Variants in MACROD2 observed in about 807,000 individuals in gnomAD.
The protein encoded by MACROD2 is mono-ADP ribosylhydrolase 2.
MACROD2 carries 36 observed loss-of-function variants against 70.4 expected under a neutral mutation model. The ratio of observed to expected loss-of-function variants is 0.51; its 90% confidence interval spans 0.39 to 0.68. The LOEUF (loss-of-function observed/expected upper bound fraction) is 0.68. Among genes scored for constraint, MACROD2 ranks in the 30% least tolerant of loss-of-function variants. MACROD2 has a pLI of 0.00. For synonymous variants in MACROD2, 172 were observed against 178.8 expected (o/e 0.96, Z 0.30); for missense variants, 496 against 538.4 (o/e 0.92, Z 0.78).
intron 3 of MACROD2, among the ~76,000 whole-genome samples, chr20:14,310,886 A>T (rs906131044): frequency 6.6e-6 from 1 of 152,142 alleles, no homozygotes; most frequent in Non-Finnish European, 1.5e-5. Context: ...ATAGAAAAAA[A>T]CTTATAGACT....
intron 3 of MACROD2, among the ~76,000 whole-genome samples, chr20:14,230,258 A>G (rs2081789459): frequency 6.6e-6 from 1 of 152,156 alleles, no homozygotes; most frequent in Non-Finnish European, 1.5e-5. Context: ...GTTTGATAGC[A>G]TTGTACACAC....
At chr20:14,352,418 A>G (rs957092323) in intron 3 of MACROD2, 2 of 152,176 alleles carry the variant, frequency 1.3e-5, no homozygotes, top group African/African-American at 4.8e-5. Flanking sequence ...GAAGCATTCC[A>G]TATTTAAAAA....
chr20:15,355,724 A>G (rs1048972530), intron 6 of MACROD2, among the ~76,000 whole-genome samples: 1 of 152,194 alleles, frequency 6.6e-6, no homozygotes. Flanking sequence ...CATTAATAAT[A>G]ACAAAGACAA....
chr20:15,746,833 C>T (rs773045571), intron 8 of MACROD2, among the ~76,000 whole-genome samples: 22 of 151,902 alleles, frequency 1.4e-4, no homozygotes, highest in Non-Finnish European at 1.5e-4. Context: ...GCCAGGGGTT[C>T]GAGTGGCCAT....
intron 3 of MACROD2, among the ~76,000 whole-genome samples, chr20:14,178,234 T>C (rs2081278789): frequency 6.6e-6 from 1 of 152,102 alleles, no homozygotes; most frequent in South Asian, 2.1e-4. Flanking sequence ...GATAAATGCA[T>C]GAGGTGATGG....
chr20:15,571,477 G>A (rs776382176), intron 8 of MACROD2, among the ~76,000 whole-genome samples: 2 of 150,744 alleles, frequency 1.3e-5, no homozygotes, highest in African/African-American at 4.9e-5. Flanking sequence ...CCTACTAATT[G>A]CATTACAAAT....
At chr20:14,713,207 C>A (rs1318761630) in intron 5 of MACROD2, among the ~76,000 whole-genome samples, 1 of 152,058 alleles carries the variant, frequency 6.6e-6, no homozygotes, top group Non-Finnish European at 1.5e-5. Context: ...ACTCACTTTT[C>A]TTTTAATACC....
chr20:15,772,096 AAAAAAATATATATATATAT>A (rs2051640961), intron 8 of MACROD2, among the ~76,000 whole-genome samples: 1 of 101,434 alleles, frequency 9.9e-6, no homozygotes, highest in African/African-American at 4.9e-5. Flanking sequence ...AAAAAAAAAA[AAAAAAATATATATATATAT>A]ATATATATAT....
At chr20:14,696,631 C>CCTTGTAT (rs1226856295) in intron 5 of MACROD2, among the ~76,000 whole-genome samples, 1 of 152,118 alleles carries the variant, frequency 6.6e-6, no homozygotes, top group Non-Finnish European at 1.5e-5. Context: ...CTACCTGTGA[C>CCTTGTAT]ATTTTCAGGA....
intron 5 of MACROD2, among the ~76,000 whole-genome samples, chr20:15,051,934 G>A (rs371389601): frequency 2.0e-5 from 3 of 151,988 alleles, no homozygotes; most frequent in South Asian, 4.1e-4. Flanking sequence ...TGTGTTTTTA[G>A]TAGAGACAGG....
chr20:14,596,045 G>A (rs531659923), intron 4 of MACROD2, among the ~76,000 whole-genome samples: 1 of 151,980 alleles, frequency 6.6e-6, no homozygotes, highest in African/African-American at 2.4e-5. Context: ...TCCTATTTAT[G>A]TGTTTCCACA....
At chr20:14,269,576 A>T (rs919294984) in intron 3 of MACROD2, among the ~76,000 whole-genome samples, 1 of 152,160 alleles carries the variant, frequency 6.6e-6, no homozygotes, top group African/African-American at 2.4e-5. Context: ...AAGTTTAAAA[A>T]TTTTCTGTCT....
rs2075178189 is a variant in MACROD2 at position 15,021,256 on chromosome 20, A to ACACAGGTGTGTGTATACG, written c.419-208680_419-208679insGGTGTGTGTATACGCACA. On this transcript the variant is annotated intron_variant, in intron 5 of 17. Transcript: ENST00000684519. ...TACACACACCTGTGTGTATGTATAC[A>ACACAGGTGTGTGTATACG]CACACCTGTGTGTGTGTATACGCAC... is the stretch of plus-strand genomic sequence containing the variant. Among the ~76,000 whole-genome samples the ACACAGGTGTGTGTATACG allele has an allele frequency of 2.4e-5, 2 of 83,790 alleles. 1 individual carries two copies. The highest frequency in any genetic ancestry group is 8.6e-5 in the African/African-American group (2 of 23,310). 55.0% of individuals were successfully genotyped at this position (83,790 alleles called of 152,430 possible).
At chr20:14,131,426 A>G (rs548292108) in intron 3 of MACROD2, among the ~76,000 whole-genome samples, 12 of 152,338 alleles carry the variant, frequency 7.9e-5, no homozygotes, top group African/African-American at 2.9e-4. Context: ...GTGTATTTTC[A>G]TGTAAGTCAA....
chr20:15,768,024 A>G (rs890779266), intron 8 of MACROD2, among the ~76,000 whole-genome samples: 1 of 148,620 alleles, frequency 6.7e-6, no homozygotes, highest in Non-Finnish European at 1.5e-5. Context: ...TTAGCATATT[A>G]GCATCAGTTG....
intron 5 of MACROD2, among the ~76,000 whole-genome samples, chr20:14,704,478 C>A (rs2071244390): frequency 6.6e-6 from 1 of 152,130 alleles, no homozygotes; most frequent in African/African-American, 2.4e-5. Flanking sequence ...TTTATTGTTT[C>A]TTTCCTACTC....
intron 2 of MACROD2, among the ~76,000 whole-genome samples, chr20:14,026,030 G>A (rs1463307726): frequency 6.6e-6 from 1 of 152,182 alleles, no homozygotes; most frequent in East Asian, 1.9e-4. Context: ...GGGTGCACCT[G>A]TATTGGGTTC....
chr20:15,189,659 G>A lies in MACROD2; in HGVS notation c.419-40281G>A, dbSNP rs74179764. ...CAGGCTGGAATATGAGAATTCAGTA[G>A]GTGAAGGAAAATATATAAAGAGAAA... On this transcript the variant is annotated intron_variant, in intron 5 of 17. Transcript: ENST00000684519. Among the ~76,000 whole-genome samples, 1,126 of 152,194 alleles carry A rather than the reference G, an allele frequency of 7.4e-3. 6 individuals are homozygous for A. The highest frequency in any genetic ancestry group is 0.013 in the South Asian group (65 of 4,822).
At chr20:14,111,890 G>C (rs965060673) in intron 3 of MACROD2, among the ~76,000 whole-genome samples, 3 of 151,934 alleles carry the variant, frequency 2.0e-5, no homozygotes, top group Non-Finnish European at 4.4e-5. Context: ...GTATATTGAA[G>C]AGATATCTGC....
Sources: allele counts gnomAD v4.1 joint callset (sites outside exome capture counted in the v4.1 genomes callset), GRCh38; gene constraint gnomAD v4.1.1; transcripts MANE v1.5; gene names NCBI Gene and HGNC (gene_info 2026-07-23, HGNC 2026-07-21).